SLC6A16: variants seen among roughly 807,000 people sequenced by gnomAD.
SLC6A16 encodes the protein orphan sodium- and chloride-dependent neurotransmitter transporter NTT5.
SLC6A16 carries 54 observed loss-of-function variants against 65.4 expected under a neutral mutation model. That is an observed-to-expected ratio of 0.83 (90% CI 0.66 to 1.04). The LOEUF is 1.04. Ranked by LOEUF, SLC6A16 falls within the 50% of genes least tolerant of loss-of-function variation. The pLI is 0.00. For missense variants in SLC6A16, 816 were observed against 914.0 expected (o/e 0.89, Z 1.38); for synonymous variants, 330 against 346.5 (o/e 0.95, Z 0.53).
At chr19:49,331,198 C>T in the SLC6A16 span, among the ~76,000 whole-genome samples, 62,993 of 151,710 alleles carry the variant, frequency 0.42, 14,486 homozygotes, top group Admixed American at 0.54. Context: ...CTTTTTTTTC[C>T]CCTGTAGGGT....
chr19:49,310,095 G>A lies in SLC6A16; in HGVS notation c.645C>T (p.Phe215=). The change falls in exon 4 of 12, where the codon TTC becomes TTT. Residue 215 remains phenylalanine (F), a synonymous_variant. Transcript: ENST00000335875. The part of the protein sequence containing the change: ...SWIIFYMSQS[F]QFPVPWEKCP... ...ATTTCTCCCATGGAACGGGAAACTG[G>A]AAGGACTGGCTCATGTAGAAGATGA... 6.2e-7 allele frequency: 1 copy of A among 1,614,098 alleles called. No homozygotes were observed. Among genetic ancestry groups the A allele is most frequent in the South Asian group, 1.1e-5 (1 of 91,066 alleles).
At chr19:49,335,135 G>T in the SLC6A16 span, 1 of 193,838 alleles carries the variant, frequency 5.2e-6, no homozygotes, top group South Asian at 9.7e-5. The surrounding 1 kb of genome is among the most constrained non-coding windows in gnomAD (Gnocchi z 4.6). Context: ...GTGTCTGTGA[G>T]GTCAGCTGCT....
At chr19:49,316,387 G>C (rs1220425066) in intron 1 of SLC6A16, among the ~76,000 whole-genome samples, 1 of 152,098 alleles carries the variant, frequency 6.6e-6, no homozygotes, top group Non-Finnish European at 1.5e-5. Context: ...GACCTGTATA[G>C]AATCAGCATC....
chr19:49,306,494 G>C (rs990585423), intron 7 of SLC6A16, among the ~76,000 whole-genome samples: 1 of 149,138 alleles, frequency 6.7e-6, no homozygotes, highest in Non-Finnish European at 1.5e-5. Context: ...ATAGATGATA[G>C]AATATAAAGA....
chr19:49,333,849 A>G, the SLC6A16 span, among the ~76,000 whole-genome samples: 5 of 152,238 alleles, frequency 3.3e-5, no homozygotes, highest in African/African-American at 1.2e-4. Flanking sequence ...TGGGGACATC[A>G]GAGGAAACTG....
At chr19:49,334,024 C>T in the SLC6A16 span, among the ~76,000 whole-genome samples, 8 of 152,002 alleles carry the variant, frequency 5.3e-5, no homozygotes, top group South Asian at 2.1e-4. Context: ...GGTGTTGGCA[C>T]GGCCCAGCGC....
At chr19:49,339,219 A>T in the SLC6A16 span, 2 of 946,470 alleles carry the variant, frequency 2.1e-6, no homozygotes, top group African/African-American at 1.6e-5. This position sits in a 1 kb window ranked among gnomAD's most constrained non-coding sequence, Gnocchi z 4.5. Context: ...CCTGGTGACT[A>T]GGGGAGCGGG....
chr19:49,307,696 T>C (rs1319166855), intron 7 of SLC6A16, among the ~76,000 whole-genome samples: 1 of 77,068 alleles, frequency 1.3e-5, no homozygotes. Context: ...AAAAATCTGC[T>C]GGGAGAGAGA....
chr19:49,336,674 GAAGGAGGA>G, the SLC6A16 span: 1 of 498,016 alleles, frequency 2.0e-6, no homozygotes, highest in East Asian at 3.5e-5. Context: ...AGGAGGAGCT[GAAGGAGGA>G]AGGAGAGGGT....
chr19:49,314,214 C>T (rs904572699), intron 1 of SLC6A16, among the ~76,000 whole-genome samples: 14 of 151,934 alleles, frequency 9.2e-5, no homozygotes, highest in Admixed American at 7.2e-4. Context: ...CTCTCATCAG[C>T]GAAATCTGGA....
At position 49,292,394 on chromosome 19, in the gene SLC6A16, A is replaced by G. The variant is rs1274463700; in HGVS notation, c.1778+829T>C. Among the ~76,000 whole-genome samples the G allele has an allele frequency of 6.6e-6, 1 of 152,092 alleles. No individual in the cohort carries two copies. Among genetic ancestry groups the G allele is most frequent in the African/African-American group, 2.4e-5 (1 of 41,412 alleles). On this transcript the variant is annotated intron_variant, in intron 10 of 11. Coordinates refer to ENST00000335875, the MANE Select transcript of SLC6A16 (RefSeq NM_014037.3). The surrounding 1 kb of genome is among the most constrained non-coding windows in gnomAD (Gnocchi z 4.3). ...AAAGAAAGAAAAAAAGAAATATTAC[A>G]TAGCTTCCAACTCTTATCCTGGCTT...
chr19:49,338,817 G>T, the SLC6A16 span: 1 of 1,614,010 alleles, frequency 6.2e-7, no homozygotes, highest in Non-Finnish European at 8.5e-7. The surrounding 1 kb of genome is among the most constrained non-coding windows in gnomAD (Gnocchi z 5.0). Flanking sequence ...GGCGACCAAC[G>T]ACTCCACAAT....
rs372811361 is a variant in SLC6A16, at chr19:49,307,725, AAAAAAAAAGAAAAAG to A, written c.1229+1136_1229+1150del. Among the ~76,000 whole-genome samples, 102 of 15,686 alleles carry A rather than the reference AAAAAAAAAGAAAAAG, an allele frequency of 6.5e-3. 1 individual carries two copies. Among genetic ancestry groups the A allele is most frequent in the South Asian group, 0.01 (4 of 390 alleles). 10.3% of individuals were successfully genotyped at this position (15,686 alleles called of 152,430 possible). ...AGAGAGAGGAAGAGGAGGAGGAAGC[AAAAAAAAAGAAAAAG>A]AAAAAAAAGAAAAAGAAAAAAAAAA... On this transcript the variant is annotated intron_variant, in intron 7 of 11. Coordinates refer to ENST00000335875, the MANE Select transcript of SLC6A16 (RefSeq NM_014037.3).
intron 7 of SLC6A16, among the ~76,000 whole-genome samples, chr19:49,298,243 C>CA (rs1970220428): frequency 6.6e-6 from 1 of 152,078 alleles, no homozygotes; most frequent in Non-Finnish European, 1.5e-5. Flanking sequence ...CTTGCAACAA[C>CA]AAAAATTGAC....
chr19:49,339,410 C>G, the SLC6A16 span: 13 of 1,613,512 alleles, frequency 8.1e-6, no homozygotes, highest in Admixed American at 1.7e-4. The surrounding 1 kb of genome is among the most constrained non-coding windows in gnomAD (Gnocchi z 4.5). Flanking sequence ...TCGGCCTACT[C>G]GAGGTGATCT....
intron 1 of SLC6A16, among the ~76,000 whole-genome samples, chr19:49,320,014 T>C (rs1421058866): frequency 3.9e-5 from 6 of 152,006 alleles, no homozygotes; most frequent in Non-Finnish European, 8.8e-5. Context: ...TAGAAAATAC[T>C]TACAGATAAA....
intron 7 of SLC6A16, among the ~76,000 whole-genome samples, chr19:49,307,579 C>A (rs1970416489): frequency 6.6e-6 from 1 of 150,592 alleles, no homozygotes; most frequent in African/African-American, 2.4e-5. Flanking sequence ...GCCTGTAATC[C>A]CAGCTCTTTG....
At chr19:49,297,278 C>CAAGACAAGCTT (rs749112408) in intron 7 of SLC6A16, among the ~76,000 whole-genome samples, 38 of 152,142 alleles carry the variant, frequency 2.5e-4, no homozygotes, top group Non-Finnish European at 4.9e-4. Flanking sequence ...TGAAAAGATA[C>CAAGACAAGCTT]TTTACAAGAC....
At chr19:49,295,587 T>C (rs1343698560) in intron 7 of SLC6A16, among the ~76,000 whole-genome samples, 1 of 152,180 alleles carries the variant, frequency 6.6e-6, no homozygotes. Flanking sequence ...TTTTAAATCT[T>C]CTAACAAAAT....
Sources: allele counts gnomAD v4.1 joint callset (sites outside exome capture counted in the v4.1 genomes callset), GRCh38; gene constraint gnomAD v4.1.1; non-coding constraint Gnocchi (gnomAD v3.1); transcripts MANE v1.5; gene names NCBI Gene and HGNC (gene_info 2026-07-23, HGNC 2026-07-21).